Variants in DPPA3 observed in about 807,000 individuals in gnomAD.
The protein encoded by DPPA3 is developmental pluripotency associated 3, also known as developmental pluripotency-associated protein 3.
DPPA3 carries 9 observed loss-of-function variants against 15.6 expected under a neutral mutation model. The observed-to-expected ratio is 0.58, with a 90% CI of 0.35 to 1.01. The LOEUF (loss-of-function observed/expected upper bound fraction) is 1.01, where lower values mean the gene tolerates loss of function less well. Ranked by LOEUF, DPPA3 falls within the 50% of genes least tolerant of loss-of-function variation. The pLI is 0.02. For synonymous variants in DPPA3, 61 were observed against 70.9 expected (o/e 0.86, Z 0.70); for missense variants, 148 against 194.6 (o/e 0.76, Z 1.42).
chr12:7,715,354 T>C lies in DPPA3; in HGVS notation c.254T>C (p.Val85Ala), dbSNP rs1359567488. The C allele has an allele frequency of 6.8e-6, 11 of 1,613,780 alleles. No homozygotes were observed. The highest frequency in any genetic ancestry group is 9.3e-6 in the Non-Finnish European group (11 of 1,179,980). Residue 85 changes from valine (V) to alanine (A), a missense_variant, in exon 2 of 4, where the codon GTA becomes GCA. Val to Ala is a moderately conservative substitution (Grantham distance 64). Coordinates refer to ENST00000345088, the MANE Select transcript of DPPA3 (RefSeq NM_199286.4). ...EDEWLYSRRG[V>A]RTLLSVQREK... The stretch of plus-strand genomic sequence containing the variant: ...GAGTGGCTTTACAGCAGGAGAGGAG[T>C]AAGAACATTGCTGTCTGTGCAGAGA...
At position 7,711,499 on chromosome 12, in the gene DPPA3, T is replaced by C. The variant is rs964548692; in HGVS notation, c.-72T>C. On this transcript the variant is annotated 5_prime_UTR_variant, in exon 1 of 4. Transcript: ENST00000345088. ...TCTTTCCGGGCTACCTGGTAGCAAT[T>C]TGAGGCTCTGTCATCAGTTTCTGCT... 6.2e-6 allele frequency: 9 copies of C among 1,441,086 alleles called. No homozygotes were observed. The Admixed American group carries it at 1.3e-4, about 21-fold the overall frequency. The allele number at this position is 1,441,086 out of a possible 1,614,324, so 89.3% of individuals were successfully genotyped here. A position where few individuals can be genotyped will look rare whatever the true frequency, so the allele number is the denominator to read the frequency against.
In DPPA3 at chr12:7,716,981, A is replaced by G; in HGVS notation, c.384A>G (p.Pro128=). The change falls in exon 4 of 4, where the codon CCA becomes CCG. Residue 128 remains proline, a synonymous_variant. Coordinates refer to ENST00000345088, the MANE Select transcript of DPPA3 (RefSeq NM_199286.4). ...TTTTTTTTCAGAAGGAATCAAGACC[A>G]TTCAAATGTCCCTGCAGTTTCTGCG... ...EPKGVKKESR[P]FKCPCSFCVS... The G allele has an allele frequency of 3.1e-6, 5 of 1,613,472 alleles. No homozygotes were observed. The highest frequency in any genetic ancestry group is 4.2e-6 in the Non-Finnish European group (5 of 1,179,586).
At chr12:7,716,115 A>G in intron 2 of DPPA3, 83 bp from the exon 3 acceptor site, 4 of 1,226,870 alleles carry the variant, frequency 3.3e-6, no homozygotes. Flanking sequence ...CAAATTCCCT[A>G]GCTTCTCTCC....
intron 1 of DPPA3, among the ~76,000 whole-genome samples, chr12:7,713,308 G>T (rs1487923220): frequency 1.3e-5 from 2 of 152,226 alleles, no homozygotes; most frequent in African/African-American, 4.8e-5. Flanking sequence ...CCAGAAGAAA[G>T]AATGCTGGTC....
Position 7,711,465 on chromosome 12 carries a change from T to C in DPPA3, c.-106T>C, listed in dbSNP as rs1864341988. On this transcript the variant is annotated 5_prime_UTR_variant, in exon 1 of 4. Coordinates refer to ENST00000345088, the MANE Select transcript of DPPA3 (RefSeq NM_199286.4). ...CTTTGACCATTCGTTGGAGCTCCGGTTTTCAGCCTCTTTCCGGGCTACCTG... is the reference window on the plus strand; with the variant it reads ...CTTTGACCATTCGTTGGAGCTCCGGCTTTCAGCCTCTTTCCGGGCTACCTG... 3 of 1,009,120 alleles carry C rather than the reference T, an allele frequency of 3.0e-6. No individual in the cohort carries two copies. Among genetic ancestry groups the C allele is most frequent in the Non-Finnish European group, 4.3e-6 (3 of 699,964 alleles). 62.5% of individuals were successfully genotyped at this position (1,009,120 alleles called of 1,614,324 possible).
chr12:7,714,126 A>G (rs1433245108), intron 1 of DPPA3, among the ~76,000 whole-genome samples: 1 of 152,048 alleles, frequency 6.6e-6, no homozygotes, highest in Non-Finnish European at 1.5e-5. Flanking sequence ...GCTGCTCGGG[A>G]GGCTGAGGCA....
At chr12:7,712,585 T>C (rs1203507273) in intron 1 of DPPA3, among the ~76,000 whole-genome samples, 1 of 152,146 alleles carries the variant, frequency 6.6e-6, no homozygotes, top group Non-Finnish European at 1.5e-5. Context: ...GTAGCTGGAT[T>C]ACAGGCATGT....
chr12:7,711,667 GC>G lies in DPPA3; in HGVS notation c.82+18del, dbSNP rs758035538. ...GGACGATTCAGGTAAGCCAGATAAT[GC>G]CCTTCTTGACTATCTGACTATAGGG... On this transcript the variant is annotated intron_variant, in intron 1 of 3. Coordinates refer to ENST00000345088, the MANE Select transcript of DPPA3 (RefSeq NM_199286.4). 3.2e-6 allele frequency: 5 copies of G among 1,562,736 alleles called. No homozygotes were observed. The African/African-American group carries it at 7.0e-5, about 22-fold the overall frequency.
chr12:7,715,329 G>A lies in DPPA3; in HGVS notation c.229G>A (p.Glu77Lys), dbSNP rs775747053. ...GAAVLREIED[E>K]WLYSRRGVRT... ...AGCAGTCCTCAGGGAAATCGAAGAT[G>A]AGTGGCTTTACAGCAGGAGAGGAGT... Residue 77 changes from glutamate (E) to lysine (K), a missense_variant, in exon 2 of 4, where the codon GAG (glutamate) becomes AAG (lysine). Coordinates refer to ENST00000345088, the MANE Select transcript of DPPA3 (RefSeq NM_199286.4). 1.9e-6 allele frequency: 3 copies of A among 1,614,178 alleles called. No homozygotes were observed. Among genetic ancestry groups the A allele is most frequent in the South Asian group, 2.2e-5 (2 of 91,072 alleles).
intron 1 of DPPA3, among the ~76,000 whole-genome samples, chr12:7,712,688 C>T (rs1338825522): frequency 6.6e-6 from 1 of 152,180 alleles, no homozygotes; most frequent in Non-Finnish European, 1.5e-5. Flanking sequence ...CGTCGTGATC[C>T]GCCCACCTCT....
chr12:7,716,374 CT>C (rs1481964411), intron 3 of DPPA3, 135 bp downstream of exon 3: 7 of 649,696 alleles, frequency 1.1e-5, no homozygotes, highest in Middle Eastern at 4.3e-4. Context: ...CCCAGGGACT[CT>C]GGATAAGTCA....
intron 2 of DPPA3, among the ~76,000 whole-genome samples, chr12:7,715,888 G>C (rs1386134549): frequency 6.6e-6 from 1 of 152,066 alleles, no homozygotes; most frequent in Non-Finnish European, 1.5e-5. Context: ...TTCCAGACCA[G>C]CCTAGGCAAT....
intron 2 of DPPA3, 145 bp downstream of exon 2, chr12:7,715,572 G>A (rs778472134): frequency 4.0e-6 from 5 of 1,254,302 alleles, no homozygotes; most frequent in Non-Finnish European, 4.4e-6. Context: ...GAGGCAGGTG[G>A]ATCACCTGAG....
chr12:7,713,344 T>A (rs1864365913), intron 1 of DPPA3, among the ~76,000 whole-genome samples: 1 of 152,166 alleles, frequency 6.6e-6, no homozygotes, highest in Admixed American at 6.5e-5. Flanking sequence ...GAAAGAAAAA[T>A]GAACGTACCC....
chr12:7,712,771 G>T (rs867974374), intron 1 of DPPA3, among the ~76,000 whole-genome samples: 2 of 152,122 alleles, frequency 1.3e-5, no homozygotes, highest in African/African-American at 4.8e-5. Flanking sequence ...TTTTATTTTT[G>T]ACAGTGGGTC....
chr12:7,711,717 C>A, intron 1 of DPPA3, 65 bp downstream of exon 1: 3 of 560,434 alleles, frequency 5.4e-6, no homozygotes, highest in East Asian at 6.7e-5. Flanking sequence ...AAAAGGCTGC[C>A]GTCTTTTTTT....
Position 7,717,071 on chromosome 12 carries a change from GC to G in DPPA3, c.476del (p.Pro159HisfsTer12), listed in dbSNP as rs769175476. 9.3e-6 allele frequency: 15 copies of G among 1,609,438 alleles called. No individual in the cohort carries two copies. The highest frequency in any genetic ancestry group is 4.0e-5 in the African/African-American group (3 of 74,624). On this transcript the variant is annotated frameshift_variant, in exon 4 of 4. Transcript: ENST00000345088. LOFTEE classifies it high-confidence loss of function. ...GGAATCAAGACACCAAGCCACTTCAGCCATAAATCTTATTCTTGCACCTTTT... is the reference window on the plus strand; with the variant it reads ...GGAATCAAGACACCAAGCCACTTCAGCATAAATCTTATTCTTGCACCTTTT... ...IGNQDTKPLQ[P>X] is the part of the protein sequence containing the mutation.
chr12:7,715,824 G>A (rs1234146763), intron 2 of DPPA3, among the ~76,000 whole-genome samples: 3 of 151,982 alleles, frequency 2.0e-5, no homozygotes, highest in Non-Finnish European at 4.4e-5. Flanking sequence ...GCTCACGTCT[G>A]TAATCCCTGC....
Position 7,715,171 on chromosome 12 carries a change from C to T in DPPA3, c.83-12C>T, listed in dbSNP as rs1395174957. On this transcript the variant is annotated splice_polypyrimidine_tract_variant and intron_variant, in intron 1 of 3. Transcript: ENST00000345088. ...TCCCCTTAATGTAATGGCTTTTAAC[C>T]TTCTCTTTCAGGGGCCTCTCAAATC... 2.5e-6 allele frequency: 4 copies of T among 1,612,874 alleles called. No homozygotes were observed. The highest frequency in any genetic ancestry group is 3.4e-6 in the Non-Finnish European group (4 of 1,179,566).
Sources: allele counts gnomAD v4.1 joint callset (sites outside exome capture counted in the v4.1 genomes callset), GRCh38; gene constraint gnomAD v4.1.1; transcripts MANE v1.5; gene names NCBI Gene and HGNC (gene_info 2026-07-23, HGNC 2026-07-21).